Variants in MINAR1 observed in about 807,000 individuals in gnomAD.
MINAR1 encodes membrane integral NOTCH2 associated receptor 1.
Under a neutral mutation model 65.1 loss-of-function variants are expected in MINAR1, and 40 were observed. The ratio of observed to expected loss-of-function variants is 0.61; its 90% CI spans 0.48 to 0.80. MINAR1 has a LOEUF of 0.80. Ranked by LOEUF, MINAR1 falls within the 30% of genes least tolerant of loss-of-function variation. The pLI is 0.00. For missense variants in MINAR1, 1,128 were observed against 1,148.0 expected (o/e 0.98, Z 0.25); for synonymous variants, 482 against 449.1 (o/e 1.07, Z -0.93).
the MINAR1 span, chr15:79,418,436 C>G: frequency 1.9e-4 from 29 of 152,378 alleles, no homozygotes; most frequent in African/African-American, 6.5e-4. Context: ...TCGCAGTCCC[C>G]TGCACCCACT....
At position 79,457,286 on chromosome 15, in the gene MINAR1, A is replaced by G. The variant is rs149369510; in HGVS notation, c.1139A>G (p.Glu380Gly). The G allele has an allele frequency of 1.9e-6, 3 of 1,614,056 alleles. No homozygotes were observed. Among genetic ancestry groups the G allele is most frequent in the Non-Finnish European group, 2.5e-6 (3 of 1,180,038 alleles). ...SLNTEEVPDF[E>G]RSFFNRNPSE... The stretch of plus-strand genomic sequence containing the variant: ...AACACAGAGGAAGTTCCTGACTTTG[A>G]ACGGTCCTTTTTCAATAGAAATCCC... The change falls in exon 2 of 4, where the codon GAA becomes GGA. Residue 380 changes from glutamate (E) to glycine (G), a missense_variant. Glu to Gly is a moderately conservative substitution (Grantham distance 98, BLOSUM62 -2). Transcript: ENST00000305428.
chr15:79,463,180 C>T lies in MINAR1; in HGVS notation c.2412C>T (p.Ala804=), dbSNP rs764920137. ...ACCCCTACCCTGCCTCCCTCAAGGCCCACATGAAGAGCAACCCCCTGTACA... is the reference window on the plus strand; with the variant it reads ...ACCCCTACCCTGCCTCCCTCAAGGCTCACATGAAGAGCAACCCCCTGTACA... The part of the protein sequence containing the change: ...SPHPYPASLK[A]HMKSNPLYTD... Residue 804 remains alanine (A), a synonymous_variant, in exon 3 of 4, where the codon GCC becomes GCT. Coordinates refer to ENST00000305428, the MANE Select transcript of MINAR1 (RefSeq NM_015206.3). 33 of 1,614,096 alleles carry T rather than the reference C, an allele frequency of 2.0e-5. No homozygotes were observed. In the South Asian group the frequency reaches 3.5e-4, roughly 17 times the overall value.
the MINAR1 span, chr15:79,422,367 G>A: frequency 0.051 from 7,758 of 152,034 alleles, 252 homozygotes; most frequent in Middle Eastern, 0.092. Context: ...CCTGGCCAAC[G>A]TGGTGAAACC....
chr15:79,411,957 C>T, the MINAR1 span: 1 of 160,282 alleles, frequency 6.2e-6, no homozygotes, highest in African/African-American at 2.4e-5. Context: ...ATAACCTGAG[C>T]ACCCCTTGGT....
intron 1 of MINAR1, among the ~76,000 whole-genome samples, chr15:79,446,754 A>T (rs1389307991): frequency 6.6e-6 from 1 of 152,138 alleles, no homozygotes; most frequent in Non-Finnish European, 1.5e-5. Context: ...ACATTCTTAT[A>T]TATTATCACT....
At chr15:79,437,378 TGTG>T (rs752024383) in intron 1 of MINAR1, among the ~76,000 whole-genome samples, 4 of 150,116 alleles carry the variant, frequency 2.7e-5, no homozygotes, top group East Asian at 2.0e-4. Flanking sequence ...AGTGAGTGGA[TGTG>T]GTGGGCAGTG....
chr15:79,452,625 A>AGTCT (rs147936332), intron 1 of MINAR1, among the ~76,000 whole-genome samples: 31,005 of 112,100 alleles, frequency 0.28, 3,659 homozygotes, highest in Middle Eastern at 0.44. Flanking sequence ...TGTCTGGATG[A>AGTCT]GTCTGTGTGT....
chr15:79,427,575 C>A (rs1480045387), upstream of MINAR1: 2 of 152,102 alleles, frequency 1.3e-5, no homozygotes, highest in Non-Finnish European at 2.9e-5. Flanking sequence ...GTCTCATAAA[C>A]CTATTGTTGT....
At chr15:79,461,784 C>T (rs899541310) in intron 2 of MINAR1, among the ~76,000 whole-genome samples, 3 of 152,144 alleles carry the variant, frequency 2.0e-5, no homozygotes, top group African/African-American at 4.8e-5. Context: ...ACATACACCA[C>T]GTGTGCTTCC....
chr15:79,442,530 A>T (rs927666308), intron 1 of MINAR1, among the ~76,000 whole-genome samples: 3 of 151,628 alleles, frequency 2.0e-5, no homozygotes. Flanking sequence ...TTAGATAATT[A>T]ACTTAAAGCA....
At chr15:79,439,290 G>A (rs111829818) in intron 1 of MINAR1, among the ~76,000 whole-genome samples, 7,256 of 109,948 alleles carry the variant, frequency 0.066, 1,020 homozygotes, top group Non-Finnish European at 0.11. Flanking sequence ...GATAGTGAGT[G>A]GGTGGGCGTG....
rs1419936167 is a variant in MINAR1 at position 79,457,533 on chromosome 15, C to T, written c.1386C>T (p.Cys462=). The T allele has an allele frequency of 4.3e-6, 7 of 1,614,158 alleles. No homozygotes were observed. Among genetic ancestry groups the T allele is most frequent in the Non-Finnish European group, 5.9e-6 (7 of 1,180,028 alleles). The change falls in exon 2 of 4, where the codon TGC becomes TGT. Residue 462 remains cysteine (C), a synonymous_variant. Transcript: ENST00000305428. ...AGTTTAAAGACAAGAGCATTAACTG[C>T]ACCAGTGGGCAGCTCAGCTCAGACA... ...VKKFKDKSIN[C]TSGQLSSDTS... is the part of the protein sequence containing the mutation.
intron 3 of MINAR1, among the ~76,000 whole-genome samples, chr15:79,466,761 G>A (rs1304508317): frequency 6.6e-6 from 1 of 152,132 alleles, no homozygotes; most frequent in South Asian, 2.1e-4. Flanking sequence ...AGCTAAGGAG[G>A]GGACTCTTTA....
chr15:79,425,956 G>C, the MINAR1 span: 2 of 152,320 alleles, frequency 1.3e-5, no homozygotes, highest in African/African-American at 4.8e-5. Flanking sequence ...TCTCAACGCA[G>C]CTGTCCTGTC....
intron 2 of MINAR1, among the ~76,000 whole-genome samples, chr15:79,460,566 G>A (rs1383295375): frequency 2.6e-5 from 4 of 151,028 alleles, no homozygotes; most frequent in Admixed American, 1.3e-4. Flanking sequence ...ACACCTCTAC[G>A]TTGAGTCAAG....
At chr15:79,420,883 G>A in the MINAR1 span, 1 of 152,324 alleles carries the variant, frequency 6.6e-6, no homozygotes, top group Non-Finnish European at 1.5e-5. Flanking sequence ...ACTAGAGTAC[G>A]AAATAGCTTC....
upstream of MINAR1, among the ~76,000 whole-genome samples, chr15:79,431,118 G>C (rs1894425870): frequency 6.6e-6 from 1 of 152,020 alleles, no homozygotes; most frequent in Non-Finnish European, 1.5e-5. Flanking sequence ...GCCCCCGAGA[G>C]GGCTCTGTCC....
the MINAR1 span, chr15:79,413,086 A>G: frequency 5.9e-5 from 9 of 152,386 alleles, no homozygotes; most frequent in African/African-American, 1.9e-4. Flanking sequence ...CAGCAACTTC[A>G]AAGACTGAAG....
upstream of MINAR1, among the ~76,000 whole-genome samples, chr15:79,431,036 C>T (rs1439269201): frequency 6.6e-6 from 1 of 152,196 alleles, no homozygotes; most frequent in Non-Finnish European, 1.5e-5. Flanking sequence ...AGATCTGCGT[C>T]CCCCCAGGGC....
Sources: gnomAD v4.1 joint callset for allele counts (sites outside exome capture counted in the v4.1 genomes callset) on GRCh38, gnomAD v4.1.1 for gene constraint, MANE v1.5 for transcripts, NCBI Gene and HGNC (gene_info 2026-07-23, HGNC 2026-07-21) for gene names.